Variants in CHL1 observed in about 807,000 individuals in gnomAD.
CHL1 encodes the protein cell adhesion molecule L1 like, also known as neural cell adhesion molecule L1-like protein.
A neutral mutation model predicts 141.9 loss-of-function variants in CHL1; 96 were observed. The ratio of observed to expected loss-of-function variants is 0.68; its 90% confidence interval spans 0.57 to 0.80. The LOEUF (loss-of-function observed/expected upper bound fraction) is 0.80. Ranked by LOEUF, CHL1 falls within the 30% of genes least tolerant of loss-of-function variation. The pLI is 0.00. For missense variants in CHL1, 1,820 were observed against 1,457.2 expected, an observed-to-expected ratio of 1.25 and a Z score of -4.05; for synonymous variants, 613 against 502.2, an observed-to-expected ratio of 1.22 and a Z score of -2.95.
chr3:238,743 G>A (rs1692237547), intron 1 of CHL1, among the ~76,000 whole-genome samples: 1 of 148,730 alleles, frequency 6.7e-6, no homozygotes, highest in African/African-American at 2.5e-5. Context: ...TAGCTAACAT[G>A]GTGAAACCCC....
chr3:381,647 G>T (rs1351845912), intron 16 of CHL1, among the ~76,000 whole-genome samples: 1 of 152,176 alleles, frequency 6.6e-6, no homozygotes, highest in Non-Finnish European at 1.5e-5. Flanking sequence ...ATTTGCAATT[G>T]GTTAAGGAAG....
At chr3:318,251 C>T (rs935512541) in intron 2 of CHL1, among the ~76,000 whole-genome samples, 19 of 151,774 alleles carry the variant, frequency 1.3e-4, no homozygotes, top group African/African-American at 4.4e-4. Context: ...ACAAAAGATA[C>T]AGGTCTATAA....
chr3:404,908 G>T (rs1485341749), intron 27 of CHL1, among the ~76,000 whole-genome samples: 1 of 152,124 alleles, frequency 6.6e-6, no homozygotes, highest in Non-Finnish European at 1.5e-5. Flanking sequence ...ATTCTGAGAA[G>T]CCTAAGAGCA....
At chr3:323,749 T>C (rs957971682) in intron 3 of CHL1, among the ~76,000 whole-genome samples, 8 of 152,100 alleles carry the variant, frequency 5.3e-5, no homozygotes, top group Non-Finnish European at 1.2e-4. Flanking sequence ...CCTTTAGTTC[T>C]AGCCACTCGA....
rs1477751946 is a variant in CHL1 at position 286,252 on chromosome 3, G to A, written c.-94-33431G>A. 2.6e-5 allele frequency among the ~76,000 whole-genome samples: 4 copies of A among 152,082 alleles called. No homozygotes were observed. The East Asian group carries it at 7.7e-4, about 29-fold the overall frequency. ...GTCCTGATCCATGCCCCAAAAGTGGGTTCTTGGATCTCGCACAAGAAAGAA... is the reference window on the plus strand; with the variant it reads ...GTCCTGATCCATGCCCCAAAAGTGGATTCTTGGATCTCGCACAAGAAAGAA... On this transcript the variant is annotated intron_variant, in intron 2 of 27. Transcript: ENST00000256509.
intron 1 of CHL1, among the ~76,000 whole-genome samples, chr3:240,859 TC>T (rs5845957): frequency 0.51 from 77,071 of 151,880 alleles, 21,215 homozygotes; most frequent in Non-Finnish European, 0.62. Context: ...GGGTGTTCTT[TC>T]CCCCACTTTA....
At chr3:338,850 G>A (rs1702139792) in intron 5 of CHL1, among the ~76,000 whole-genome samples, 1 of 152,138 alleles carries the variant, frequency 6.6e-6, no homozygotes. Flanking sequence ...TTTAATTAAT[G>A]CAAGGATGAT....
chr3:272,600 G>A (rs1320558072), intron 2 of CHL1, among the ~76,000 whole-genome samples: 1 of 152,154 alleles, frequency 6.6e-6, no homozygotes, highest in African/African-American at 2.4e-5. Flanking sequence ...AGGCAAAAGG[G>A]AATTTTAGAT....
Position 361,895 on chromosome 3 carries a change from A to T in CHL1, c.1418+85A>T. Reference sequence around the variant, plus strand: ...CTTCATCCGTCATTTGACAGGCTGTATTGTGTCTATATTGTTACATGTACC... The same window carrying T: ...CTTCATCCGTCATTTGACAGGCTGTTTTGTGTCTATATTGTTACATGTACC... On this transcript the variant is annotated intron_variant, in intron 13 of 27. Coordinates refer to ENST00000256509, the MANE Select transcript of CHL1 (RefSeq NM_006614.4). 14 of 940,810 alleles carry T rather than the reference A, an allele frequency of 1.5e-5. No individual in the cohort carries two copies. In the South Asian group the frequency reaches 1.7e-4, roughly 12 times the overall value. The allele number at this position is 940,810 out of a possible 1,614,324, so 58.3% of individuals were successfully genotyped here. A position where few individuals can be genotyped will look rare whatever the true frequency, so the allele number is the denominator to read the frequency against.
In CHL1 at chr3:354,677, G is replaced by C; in HGVS notation, c.1071G>C (p.Val357=). ...PRWTKKPQSA[V]YSTGSNGILL... is the part of the protein sequence containing the mutation. ...GGACAAAGAAGCCTCAGAGTGCTGTGTATAGCACCGGAAGCAATGGCATCT... is the reference window on the plus strand; with the variant it reads ...GGACAAAGAAGCCTCAGAGTGCTGTCTATAGCACCGGAAGCAATGGCATCT... The change falls in exon 11 of 28, where the codon GTG becomes GTC. Residue 357 remains valine, a synonymous_variant. Transcript: ENST00000256509. The C allele has an allele frequency of 6.2e-7, 1 of 1,614,002 alleles. No individual in the cohort carries two copies. The highest frequency in any genetic ancestry group is 8.5e-7 in the Non-Finnish European group (1 of 1,179,898).
chr3:363,521 G>A lies in CHL1; in HGVS notation c.1585+138G>A. The A allele has an allele frequency of 8.6e-6, 6 of 694,266 alleles. No individual in the cohort carries two copies. In the South Asian group the frequency reaches 1.2e-4, roughly 14 times the overall value. 43.0% of individuals were successfully genotyped at this position (694,266 alleles called of 1,614,324 possible). ...AACCGTTTTTCAAAATTCCTAGAATGGGTTTCATCTAAAAGATTATTGCAA... is the reference window on the plus strand; with the variant it reads ...AACCGTTTTTCAAAATTCCTAGAATAGGTTTCATCTAAAAGATTATTGCAA... On this transcript the variant is annotated intron_variant, in intron 14 of 27. Transcript: ENST00000256509.
intron 2 of CHL1, among the ~76,000 whole-genome samples, chr3:293,803 A>C (rs951806690): frequency 6.9e-6 from 1 of 144,652 alleles, no homozygotes; most frequent in Non-Finnish European, 1.5e-5. Flanking sequence ...AGGCTGGAGA[A>C]GATTTTTTTT....
intron 13 of CHL1, among the ~76,000 whole-genome samples, chr3:362,462 T>C (rs1704361444): frequency 6.6e-6 from 1 of 152,096 alleles, no homozygotes; most frequent in South Asian, 2.1e-4. Flanking sequence ...TTTTTTGCAT[T>C]ATTGTGATTT....
chr3:399,980 A>G (rs1255116893), intron 26 of CHL1, among the ~76,000 whole-genome samples: 2 of 152,224 alleles, frequency 1.3e-5, no homozygotes, highest in Non-Finnish European at 2.9e-5. Context: ...GAAAACCATC[A>G]TAGTTGGTAA....
chr3:378,001 C>G (rs979399638), intron 16 of CHL1, 59 bp downstream of exon 16: 1 of 1,427,044 alleles, frequency 7.0e-7, no homozygotes, highest in Non-Finnish European at 9.4e-7. Flanking sequence ...TAAATCCCAT[C>G]GTTCCTGGCC....
At chr3:266,502 C>T (rs1695165785) in intron 2 of CHL1, among the ~76,000 whole-genome samples, 1 of 152,132 alleles carries the variant, frequency 6.6e-6, no homozygotes, top group African/African-American at 2.4e-5. Context: ...CAAACTGACT[C>T]CTTTCCTGAG....
intron 1 of CHL1, among the ~76,000 whole-genome samples, chr3:209,563 CTT>C (rs200294702): frequency 6.6e-6 from 1 of 152,110 alleles, no homozygotes; most frequent in Non-Finnish European, 1.5e-5. Context: ...GAACCCTAAT[CTT>C]TTTTTTGTCA....
intron 15 of CHL1, chr3:376,411 T>C: frequency 1.9e-6 from 1 of 517,004 alleles, no homozygotes; most frequent in Non-Finnish European, 3.9e-6. Context: ...GAACACGACA[T>C]TTTTAATAAG....
intron 1 of CHL1, among the ~76,000 whole-genome samples, chr3:219,348 TTTACA>T (rs1279991861): frequency 6.6e-6 from 1 of 152,088 alleles, no homozygotes; most frequent in African/African-American, 2.4e-5. Context: ...AATATAAATT[TTTACA>T]TTATGTTAAA....
Sources: gnomAD v4.1 joint callset for allele counts (sites outside exome capture counted in the v4.1 genomes callset) on GRCh38, gnomAD v4.1.1 for gene constraint, MANE v1.5 for transcripts, NCBI Gene and HGNC (gene_info 2026-07-23, HGNC 2026-07-21) for gene names.